ZNF385B: variants seen among roughly 807,000 people sequenced by gnomAD.
The protein encoded by ZNF385B is zinc finger protein 385B, also known as zinc finger protein 533.
Under a neutral mutation model 39.2 loss-of-function variants are expected in ZNF385B, and 23 were observed. That is an observed-to-expected ratio of 0.59 (90% CI 0.42 to 0.83). ZNF385B has a LOEUF of 0.83. Among genes scored for constraint, ZNF385B ranks in the 40% least tolerant of loss-of-function variants. The pLI is 0.00. For synonymous variants in ZNF385B, 205 were observed against 222.6 expected, an observed-to-expected ratio of 0.92 and a Z score of 0.70; for missense variants, 552 against 598.9, an observed-to-expected ratio of 0.92 and a Z score of 0.82.
intron 5 of ZNF385B, among the ~76,000 whole-genome samples, chr2:179,503,732 T>G (rs10183644): frequency 0.55 from 83,235 of 150,748 alleles, 23,485 homozygotes; most frequent in Admixed American, 0.66. Flanking sequence ...GCGGTGTTTG[T>G]TTTTTTGTCC....
At chr2:179,456,934 T>G (rs929453768) in intron 6 of ZNF385B, among the ~76,000 whole-genome samples, 4 of 152,162 alleles carry the variant, frequency 2.6e-5, no homozygotes, top group African/African-American at 9.6e-5. Flanking sequence ...TAGCATGTAC[T>G]ATAAAATATA....
In ZNF385B at chr2:179,601,610, T is replaced by C. The variant is rs200018346; in HGVS notation, c.299-56641A>G. Among the ~76,000 whole-genome samples the C allele has an allele frequency of 9.8e-5, 15 of 152,294 alleles. No homozygotes were observed. In the East Asian group the frequency reaches 2.9e-3, roughly 29 times the overall value. Reference sequence around the variant, plus strand: ...CCTTGTGCCCCAGTGACTTGAAGAATCCTTCACTTTCAAATTACAGTTACC... The same window carrying C: ...CCTTGTGCCCCAGTGACTTGAAGAACCCTTCACTTTCAAATTACAGTTACC... On this transcript the variant is annotated intron_variant, in intron 3 of 9. Transcript: ENST00000410066.
intron 3 of ZNF385B, among the ~76,000 whole-genome samples, chr2:179,652,325 C>T (rs1441923088): frequency 6.6e-6 from 1 of 152,082 alleles, no homozygotes; most frequent in African/African-American, 2.4e-5. Flanking sequence ...TTCTTCTGAC[C>T]TCCCTAATTC....
At chr2:179,793,125 T>C (rs1253484442) in intron 1 of ZNF385B, among the ~76,000 whole-genome samples, 3 of 152,194 alleles carry the variant, frequency 2.0e-5, no homozygotes, top group African/African-American at 7.2e-5. Context: ...TAATGGCCCC[T>C]TTTCTTTGCA....
chr2:179,630,662 G>GA, intron 3 of ZNF385B, among the ~76,000 whole-genome samples: 1 of 152,218 alleles, frequency 6.6e-6, no homozygotes, highest in Non-Finnish European at 1.5e-5. Context: ...AAGCTGGACA[G>GA]AAAAAGACTT....
At chr2:179,563,859 T>C (rs1420124527) in intron 3 of ZNF385B, among the ~76,000 whole-genome samples, 1 of 152,206 alleles carries the variant, frequency 6.6e-6, no homozygotes, top group Non-Finnish European at 1.5e-5. Context: ...GTAGAGATTA[T>C]GTTGATGGCC....
chr2:179,477,058 G>A (rs952173058), intron 6 of ZNF385B, among the ~76,000 whole-genome samples: 12 of 152,144 alleles, frequency 7.9e-5, no homozygotes, highest in Non-Finnish European at 1.8e-4. Flanking sequence ...AGGCAGATAA[G>A]GGTGAGGAGG....
At chr2:179,761,862 A>C (rs2106489269) in intron 3 of ZNF385B, among the ~76,000 whole-genome samples, 1 of 150,480 alleles carries the variant, frequency 6.6e-6, no homozygotes, top group East Asian at 2.0e-4. Context: ...AGTCTCCCAA[A>C]GTACTGGGAT....
chr2:179,685,282 T>C (rs1575225436), intron 3 of ZNF385B, among the ~76,000 whole-genome samples: 1 of 152,316 alleles, frequency 6.6e-6, no homozygotes, highest in African/African-American at 2.4e-5. Context: ...ACTCTACTAC[T>C]GAAACAATGA....
intron 3 of ZNF385B, among the ~76,000 whole-genome samples, chr2:179,596,479 G>A (rs1688008107): frequency 1.3e-5 from 2 of 152,098 alleles, no homozygotes; most frequent in South Asian, 4.1e-4. Flanking sequence ...ACACAGAGAT[G>A]TTCTCTATCA....
intron 3 of ZNF385B, among the ~76,000 whole-genome samples, chr2:179,547,604 T>G (rs2105915864): frequency 6.7e-6 from 1 of 149,630 alleles, no homozygotes; most frequent in Middle Eastern, 3.4e-3. Flanking sequence ...TACCATGATG[T>G]TTTGGTTACT....
intron 3 of ZNF385B, among the ~76,000 whole-genome samples, chr2:179,545,678 T>C (rs960561359): frequency 2.6e-5 from 4 of 152,186 alleles, no homozygotes; most frequent in Non-Finnish European, 5.9e-5. Flanking sequence ...TTTTGTATTA[T>C]TGTAGCAAAT....
Position 179,443,162 on chromosome 2 carries a change from T to C in ZNF385B, c.*88A>G, listed in dbSNP as rs2049112519. 4 of 1,481,432 alleles carry C rather than the reference T, an allele frequency of 2.7e-6. No individual in the cohort carries two copies. The highest frequency in any genetic ancestry group is 3.7e-6 in the Non-Finnish European group (4 of 1,069,536). The allele number at this position is 1,481,432 out of a possible 1,614,324, so 91.8% of individuals were successfully genotyped here. On this transcript the variant is annotated 3_prime_UTR_variant, in exon 10 of 10. Coordinates refer to ENST00000410066, the MANE Select transcript of ZNF385B (RefSeq NM_152520.6). ...CATTTTGTGGGTGAATGGGGGGTAC[T>C]GCAACACAAACTGCTTAAATTGCTG...
intron 3 of ZNF385B, among the ~76,000 whole-genome samples, chr2:179,568,436 G>GGT (rs1684843233): frequency 6.6e-6 from 1 of 152,162 alleles, no homozygotes; most frequent in African/African-American, 2.4e-5. Context: ...GCCTATGGTA[G>GGT]GTACTCAATA....
At chr2:179,581,128 G>A (rs1686461524) in intron 3 of ZNF385B, among the ~76,000 whole-genome samples, 1 of 152,156 alleles carries the variant, frequency 6.6e-6, no homozygotes, top group African/African-American at 2.4e-5. Context: ...TACAAATTAT[G>A]GCAAAAGCTT....
intron 1 of ZNF385B, among the ~76,000 whole-genome samples, chr2:179,807,662 A>G (rs2887106): frequency 0.47 from 71,765 of 151,370 alleles, 17,835 homozygotes; most frequent in African/African-American, 0.6. Context: ...TTAGGAGGCC[A>G]AGGTGGGCGG....
chr2:179,817,845 A>G (rs1366448544), intron 1 of ZNF385B, among the ~76,000 whole-genome samples: 1 of 152,056 alleles, frequency 6.6e-6, no homozygotes, highest in African/African-American at 2.4e-5. Context: ...ATGTGTGTCA[A>G]TCTGAGAAAG....
At chr2:179,788,489 A>C (rs1705137004) in intron 1 of ZNF385B, among the ~76,000 whole-genome samples, 1 of 152,194 alleles carries the variant, frequency 6.6e-6, no homozygotes, top group Admixed American at 6.5e-5. Flanking sequence ...AGTTCAGAAC[A>C]CCAGGTCAAG....
intron 6 of ZNF385B, among the ~76,000 whole-genome samples, chr2:179,476,810 G>A (rs1442401654): frequency 6.6e-6 from 1 of 152,108 alleles, no homozygotes; most frequent in Admixed American, 6.5e-5. Flanking sequence ...ATAATGGTCT[G>A]TTCTCTTTAG....
Sources: gnomAD v4.1 joint callset for allele counts (sites outside exome capture counted in the v4.1 genomes callset) on GRCh38, gnomAD v4.1.1 for gene constraint, MANE v1.5 for transcripts, NCBI Gene and HGNC (gene_info 2026-07-23, HGNC 2026-07-21) for gene names.